The following CLVS1 variants were observed in gnomAD, a reference collection of about 807,000 sequenced individuals.
The protein encoded by CLVS1 is clavesin-1.
In CLVS1, 10 loss-of-function variants were observed where a neutral mutation model predicts 33.1. The observed-to-expected ratio is 0.30, with a 90% confidence interval of 0.19 to 0.51. The LOEUF (loss-of-function observed/expected upper bound fraction) is 0.51. Among genes scored for constraint, CLVS1 ranks in the 20% least tolerant of loss-of-function variants. The pLI is 0.97. For synonymous variants in CLVS1, 163 were observed against 166.1 expected, an observed-to-expected ratio of 0.98 and a Z score of 0.14; for missense variants, 343 against 433.4, an observed-to-expected ratio of 0.79 and a Z score of 1.85.
At chr8:61,365,265 C>T (rs1217357475) in intron 2 of CLVS1, among the ~76,000 whole-genome samples, 17 of 152,100 alleles carry the variant, frequency 1.1e-4, no homozygotes, top group Admixed American at 1.0e-3. Context: ...CGTTGGCTCA[C>T]GTCTGTAATC....
At chr8:61,468,207 C>G (rs2172495) in intron 5 of CLVS1, among the ~76,000 whole-genome samples, 1 of 152,100 alleles carries the variant, frequency 6.6e-6, no homozygotes, top group African/African-American at 2.4e-5. Flanking sequence ...TCAAGGCCCC[C>G]AACTTTGAGT....
intron 5 of CLVS1, among the ~76,000 whole-genome samples, chr8:61,468,735 A>AAAAG (rs1554578174): frequency 7.9e-5 from 11 of 138,770 alleles, no homozygotes; most frequent in African/African-American, 2.4e-4. Flanking sequence ...AAAAAAAAAA[A>AAAAG]AAAAGGTAGT....
At chr8:61,071,005 C>T (rs568283887) in intron 1 of CLVS1, among the ~76,000 whole-genome samples, 1 of 152,214 alleles carries the variant, frequency 6.6e-6, no homozygotes, top group South Asian at 2.1e-4. Flanking sequence ...CCTTCCTGCT[C>T]CTGTCTACAG....
At chr8:61,080,961 G>A (rs948706825) in intron 1 of CLVS1, among the ~76,000 whole-genome samples, 7 of 152,136 alleles carry the variant, frequency 4.6e-5, no homozygotes, top group African/African-American at 1.7e-4. Context: ...TTGGGTGGCG[G>A]AACTGAAATG....
the CLVS1 span, among the ~76,000 whole-genome samples, chr8:60,990,927 G>C: frequency 2.6e-5 from 4 of 152,030 alleles, no homozygotes; most frequent in Non-Finnish European, 5.9e-5. Flanking sequence ...GGCCAGGCTG[G>C]TCTTGAACTC....
chr8:61,183,889 A>G (rs752020748), intron 2 of CLVS1, among the ~76,000 whole-genome samples: 25 of 152,346 alleles, frequency 1.6e-4, no homozygotes, highest in Admixed American at 1.1e-3. Flanking sequence ...ACGTTAGGGT[A>G]TAATAAAAGA....
intron 2 of CLVS1, among the ~76,000 whole-genome samples, chr8:61,237,123 G>C: frequency 6.6e-6 from 1 of 152,172 alleles, no homozygotes; most frequent in East Asian, 1.9e-4. Flanking sequence ...AAAATTAGCT[G>C]GACCTTTATT....
At chr8:61,239,105 CA>C (rs1303577119) in intron 2 of CLVS1, among the ~76,000 whole-genome samples, 13 of 152,176 alleles carry the variant, frequency 8.5e-5, no homozygotes, top group South Asian at 4.1e-4. Flanking sequence ...TGTTTCAAAA[CA>C]AAAAACTATA....
At chr8:61,093,195 TA>T (rs1421249212) in intron 1 of CLVS1, among the ~76,000 whole-genome samples, 2 of 152,116 alleles carry the variant, frequency 1.3e-5, no homozygotes, top group Admixed American at 6.5e-5. Flanking sequence ...TGTATACCAA[TA>T]TAATGGAAAA....
intron 2 of CLVS1, among the ~76,000 whole-genome samples, chr8:61,311,405 C>T (rs1038382063): frequency 1.3e-5 from 2 of 152,182 alleles, no homozygotes; most frequent in Non-Finnish European, 2.9e-5. Flanking sequence ...GCTTTCTGCC[C>T]ACCATCAACG....
intron 2 of CLVS1, among the ~76,000 whole-genome samples, chr8:61,268,404 T>C (rs1368518194): frequency 6.6e-6 from 1 of 151,510 alleles, no homozygotes; most frequent in Non-Finnish European, 1.5e-5. Flanking sequence ...ATTTTCTTAA[T>C]CCAGTCTATC....
At chr8:61,128,941 T>G (rs1806033112) in intron 1 of CLVS1, among the ~76,000 whole-genome samples, 1 of 152,240 alleles carries the variant, frequency 6.6e-6, no homozygotes, top group Non-Finnish European at 1.5e-5. Context: ...CCCTACTGCA[T>G]AGTGTTTCTC....
At chr8:61,007,869 G>C in the CLVS1 span, among the ~76,000 whole-genome samples, 3 of 152,194 alleles carry the variant, frequency 2.0e-5, no homozygotes, top group East Asian at 1.9e-4. Flanking sequence ...GCTCGGAACA[G>C]GTGGGAAGCT....
chr8:61,081,040 G>A (rs1467418535), intron 1 of CLVS1, among the ~76,000 whole-genome samples: 1 of 152,190 alleles, frequency 6.6e-6, no homozygotes, highest in African/African-American at 2.4e-5. Flanking sequence ...AGTTTGGTTG[G>A]GAGTAGGAGA....
At chr8:60,994,355 T>C in the CLVS1 span, among the ~76,000 whole-genome samples, 1 of 152,194 alleles carries the variant, frequency 6.6e-6, no homozygotes, top group East Asian at 1.9e-4. Flanking sequence ...GACTTCAATA[T>C]ATAAATTTGA....
chr8:61,243,343 CA>C (rs1808736657), intron 2 of CLVS1, among the ~76,000 whole-genome samples: 1 of 152,142 alleles, frequency 6.6e-6, no homozygotes, highest in South Asian at 2.1e-4. Flanking sequence ...ATGCATGATT[CA>C]AGGGCCAGGC....
chr8:61,038,277 T>C, the CLVS1 span, among the ~76,000 whole-genome samples: 3 of 151,980 alleles, frequency 2.0e-5, no homozygotes, highest in Admixed American at 6.6e-5. Flanking sequence ...CCAGTCCTGT[T>C]TTAGGGTCTG....
chr8:60,971,912 AT>A, the CLVS1 span, among the ~76,000 whole-genome samples: 2 of 151,524 alleles, frequency 1.3e-5, no homozygotes, highest in Admixed American at 6.6e-5. Flanking sequence ...TCAGTTTTCT[AT>A]TTTTGTGTAA....
chr8:61,219,351 G>C (rs562905409), intron 2 of CLVS1, among the ~76,000 whole-genome samples: 1 of 151,956 alleles, frequency 6.6e-6, no homozygotes, highest in Non-Finnish European at 1.5e-5. Flanking sequence ...CTCTGTGTCC[G>C]TGAGTTCTCA....
Sources: allele counts gnomAD v4.1 joint callset (sites outside exome capture counted in the v4.1 genomes callset), GRCh38; gene constraint gnomAD v4.1.1; transcripts MANE v1.5; gene names NCBI Gene and HGNC (gene_info 2026-07-23, HGNC 2026-07-21).